ALG1L2: variants seen among roughly 807,000 people sequenced by gnomAD.
ALG1L2 encodes ALG1 chitobiosyldiphosphodolichol beta-mannosyltransferase like 2, also known as putative glycosyltransferase ALG1L2.
In ALG1L2, 32 loss-of-function variants were observed where a neutral mutation model predicts 29.0. That is an observed-to-expected ratio of 1.10 (90% CI 0.83 to 1.48). ALG1L2 has a LOEUF of 1.48. Among genes scored for constraint, ALG1L2 ranks in the 40% most tolerant of loss-of-function variants. The pLI, the probability that ALG1L2 is intolerant of heterozygous loss-of-function variation, is 0.00. For synonymous variants in ALG1L2, 110 were observed against 109.5 expected (o/e 1.00, Z -0.03); for missense variants, 318 against 274.1 (o/e 1.16, Z -1.13).
chr3:130,085,239 C>T (rs186296514), intron 1 of ALG1L2, among the ~76,000 whole-genome samples: 16 of 146,724 alleles, frequency 1.1e-4, no homozygotes, highest in South Asian at 4.4e-4. Context: ...AGATTACAGA[C>T]GTGAGCCACC....
chr3:130,083,222 G>T (rs1934824273), intron 1 of ALG1L2, among the ~76,000 whole-genome samples: 1 of 144,114 alleles, frequency 6.9e-6, no homozygotes, highest in South Asian at 2.2e-4. Flanking sequence ...GAGGTGGGTG[G>T]ATCACAAGGT....
At position 130,097,231 on chromosome 3, in the gene ALG1L2, A is replaced by T; in HGVS notation, c.596A>T (p.Glu199Val). 6.2e-7 allele frequency: 1 copy of T among 1,610,792 alleles called. No individual in the cohort carries two copies. Among genetic ancestry groups the T allele is most frequent in the Non-Finnish European group, 8.5e-7 (1 of 1,179,838 alleles). ...CGCCTGGTCTTTGAGGACTCAGAGG[A>T]ACTGGCAGCTCAGCTGCAGGTAGCC... ...ENRLVFEDSE[E>V]LAAQLQYFAD... is the part of the protein sequence containing the mutation. Residue 199 changes from glutamate to valine, a missense_variant, in exon 7 of 8, where the codon GAA becomes GTA. Transcript: ENST00000425059.
intron 5 of ALG1L2, 44 bp from the exon 6 acceptor site, chr3:130,096,004 CG>C (rs56027159): frequency 0.64 from 993,836 of 1,558,214 alleles, 324,013 homozygotes; most frequent in Middle Eastern, 0.74. Flanking sequence ...TTTGTGTTCC[CG>C]GGGCAGAGAC....
At chr3:130,093,497 G>A (rs1487203894) in intron 4 of ALG1L2, among the ~76,000 whole-genome samples, 1 of 149,316 alleles carries the variant, frequency 6.7e-6, no homozygotes, top group Non-Finnish European at 1.5e-5. Flanking sequence ...TGCGATCTCA[G>A]CTCACTGCAA....
intron 1 of ALG1L2, among the ~76,000 whole-genome samples, chr3:130,087,625 G>A (rs1384739714): frequency 1.5e-5 from 2 of 132,802 alleles, no homozygotes; most frequent in Non-Finnish European, 3.5e-5. Context: ...TAACTCTTCT[G>A]CCACTTGGAA....
At chr3:130,098,037 C>T (rs1037808702) in intron 7 of ALG1L2, among the ~76,000 whole-genome samples, 186 bp from the exon 8 acceptor site, 30 of 151,216 alleles carry the variant, frequency 2.0e-4, no homozygotes, top group African/African-American at 6.6e-4. Flanking sequence ...GTGGGACATA[C>T]GGGGAAGTTT....
At chr3:130,086,616 G>A (rs1934895198) in intron 1 of ALG1L2, among the ~76,000 whole-genome samples, 2 of 149,394 alleles carry the variant, frequency 1.3e-5, no homozygotes, top group African/African-American at 4.9e-5. Flanking sequence ...GGTCAAGGCT[G>A]CAGTGACCTA....
rs771066717 is a variant in ALG1L2, at chr3:130,091,270, C to T, written c.30C>T (p.Thr10=). The change falls in exon 2 of 8, where the codon ACC becomes ACT. Residue 10 remains threonine, a synonymous_variant. Transcript: ENST00000425059. ...CATGATTTCATTGCAGGGCTGTGAC[C>T]GTCTACGACAAGCCGGCATCTTTCT... The part of the protein sequence containing the change: MGATAGWAV[T]VYDKPASFFK... 2.5e-5 allele frequency: 40 copies of T among 1,599,280 alleles called. No individual in the cohort carries two copies. The highest frequency in any genetic ancestry group is 4.5e-4 in the Middle Eastern group (2 of 4,428).
intron 5 of ALG1L2, among the ~76,000 whole-genome samples, chr3:130,095,659 C>T (rs9812409): frequency 0.25 from 37,503 of 151,074 alleles, 4,930 homozygotes; most frequent in Non-Finnish European, 0.28. Context: ...CCAGGCTGGT[C>T]TTGAACTCCT....
intron 7 of ALG1L2, 60 bp downstream of exon 7, chr3:130,097,310 T>C: frequency 1.9e-6 from 3 of 1,588,324 alleles, no homozygotes; most frequent in Non-Finnish European, 2.6e-6. Flanking sequence ...CACCGAGCCA[T>C]GCTCCCTGAT....
rs1935128945 is a variant in ALG1L2, at chr3:130,096,145, GT to G, written c.522del (p.Cys174TrpfsTer3). 6.2e-7 allele frequency: 1 copy of G among 1,611,864 alleles called. No homozygotes were observed. Among genetic ancestry groups the G allele is most frequent in the Non-Finnish European group, 8.5e-7 (1 of 1,179,840 alleles). On this transcript the variant is annotated frameshift_variant, in exon 6 of 8. Coordinates refer to ENST00000425059, the MANE Select transcript of ALG1L2 (RefSeq NM_001136152.1). LOFTEE classifies it high-confidence loss of function. ...ATGTTCAGGTGCTGTTTGCCTGCGTGTGCCGTGAACTTCAAGTGGTAGGAGC... is the reference window on the plus strand; with the variant it reads ...ATGTTCAGGTGCTGTTTGCCTGCGTGGCCGTGAACTTCAAGTGGTAGGAGC... The part of the protein sequence containing the change: ...VDMFRCCLPA[C>X]AVNFKCLHEL...
chr3:130,089,134 G>T (rs1934956076), intron 1 of ALG1L2, among the ~76,000 whole-genome samples: 1 of 152,296 alleles, frequency 6.6e-6, no homozygotes, highest in Admixed American at 6.5e-5. Context: ...TCTTGGGAAA[G>T]GGGCTAGAGA....
chr3:130,082,116 C>A, intron 1 of ALG1L2, 80 bp downstream of exon 1: 3 of 1,457,332 alleles, frequency 2.1e-6, no homozygotes, highest in Non-Finnish European at 2.8e-6. Flanking sequence ...CTGGAGAGAC[C>A]CTTGAAGAAA....
At chr3:130,095,277 C>T (rs1477340127) in intron 5 of ALG1L2, among the ~76,000 whole-genome samples, 8 of 151,962 alleles carry the variant, frequency 5.3e-5, no homozygotes, top group Admixed American at 1.3e-4. Context: ...GTGATCCTCT[C>T]GCCTTGGCCT....
intron 2 of ALG1L2, chr3:130,091,655 T>A: frequency 3.7e-6 from 2 of 545,598 alleles, no homozygotes; most frequent in Non-Finnish European, 6.6e-6. Context: ...CTTTAAGGAA[T>A]GTTAAAGGGT....
At chr3:130,086,946 C>G (rs568470302) in intron 1 of ALG1L2, among the ~76,000 whole-genome samples, 92 of 151,478 alleles carry the variant, frequency 6.1e-4, no homozygotes, top group African/African-American at 2.1e-3. Flanking sequence ...GGTGCGTTCC[C>G]CACACCTGCC....
In ALG1L2 at chr3:130,097,258, T is replaced by C. The variant is rs775083348; in HGVS notation, c.615+8T>C. ...CTGGCAGCTCAGCTGCAGGTAGCCA[T>C]GTCTGCCACCACGCCAGGGTGGACA... is the stretch of plus-strand genomic sequence containing the variant. On this transcript the variant is annotated splice_region_variant and intron_variant, in intron 7 of 7. Transcript: ENST00000425059. 3 of 1,607,102 alleles carry C rather than the reference T, an allele frequency of 1.9e-6. No homozygotes were observed. Among genetic ancestry groups the C allele is most frequent in the East Asian group, 2.2e-5 (1 of 44,884 alleles).
At chr3:130,088,333 G>A (rs538575673) in intron 1 of ALG1L2, among the ~76,000 whole-genome samples, 1 of 152,426 alleles carries the variant, frequency 6.6e-6, no homozygotes, top group South Asian at 2.1e-4. Flanking sequence ...TGCTGTGGGA[G>A]GGACCTAGTG....
intron 2 of ALG1L2, 110 bp from the exon 3 acceptor site, chr3:130,091,991 G>A (rs1258450055): frequency 1.6e-5 from 24 of 1,543,976 alleles, no homozygotes; most frequent in Middle Eastern, 2.3e-4. Context: ...TGATGCAGCC[G>A]GGCACCCCAA....
Sources: gnomAD v4.1 joint callset for allele counts (sites outside exome capture counted in the v4.1 genomes callset) on GRCh38, gnomAD v4.1.1 for gene constraint, MANE v1.5 for transcripts, NCBI Gene and HGNC (gene_info 2026-07-23, HGNC 2026-07-21) for gene names.